LZTFL1: variants seen among roughly 807,000 people sequenced by gnomAD.
The protein encoded by LZTFL1 is leucine zipper transcription factor-like protein 1.
LZTFL1 carries 25 observed loss-of-function variants against 45.9 expected under a neutral mutation model. That is an observed-to-expected ratio of 0.54 (90% CI 0.40 to 0.76). LZTFL1 has a LOEUF of 0.76. Among genes scored for constraint, LZTFL1 ranks in the 30% least tolerant of loss-of-function variants. The pLI is 0.00. For missense variants in LZTFL1, 277 were observed against 331.1 expected (o/e 0.84, Z 1.27); for synonymous variants, 93 against 117.4 (o/e 0.79, Z 1.35).
upstream of LZTFL1, among the ~76,000 whole-genome samples, chr3:45,846,820 A>G (rs1054249249): frequency 6.6e-6 from 1 of 151,960 alleles, no homozygotes; most frequent in Non-Finnish European, 1.5e-5. Context: ...AGAGAAAGGC[A>G]CACTCGGTGT....
At chr3:45,857,509 T>A (rs572497846) in intron 3 of LZTFL1, among the ~76,000 whole-genome samples, 2 of 152,288 alleles carry the variant, frequency 1.3e-5, no homozygotes, top group South Asian at 4.1e-4. Context: ...CCCAGGACTT[T>A]GAATTAAATT....
intron 1 of LZTFL1, chr3:45,841,621 G>C (rs527467349): frequency 6.2e-4 from 205 of 328,102 alleles, no homozygotes; most frequent in African/African-American, 3.5e-3. Context: ...CGTAAACTTG[G>C]AGCTTCTTGA....
chr3:45,853,662 C>A (rs1483223270), intron 4 of LZTFL1, among the ~76,000 whole-genome samples: 1 of 152,132 alleles, frequency 6.6e-6, no homozygotes, highest in Non-Finnish European at 1.5e-5. Flanking sequence ...ATCAATTATC[C>A]CTTAAGATTT....
intron 2 of LZTFL1, among the ~76,000 whole-genome samples, chr3:45,881,362 T>C (rs1227503151): frequency 6.6e-6 from 1 of 152,180 alleles, no homozygotes; most frequent in East Asian, 1.9e-4. Flanking sequence ...GATACCCAAG[T>C]CTTCCCACAG....
intron 2 of LZTFL1, among the ~76,000 whole-genome samples, chr3:45,862,336 T>C (rs889402113): frequency 1.3e-5 from 2 of 152,190 alleles, no homozygotes; most frequent in African/African-American, 4.8e-5. Flanking sequence ...GGAACAAACC[T>C]TGGCCATGCA....
intron 2 of LZTFL1, among the ~76,000 whole-genome samples, chr3:45,894,689 A>G (rs1052013877): frequency 6.6e-6 from 1 of 152,210 alleles, no homozygotes; most frequent in Non-Finnish European, 1.5e-5. Flanking sequence ...GAGTCAAAGA[A>G]GTGAATGATA....
chr3:45,915,610 C>G (rs547554832), exon 1 of LZTFL1: 1 of 422,478 alleles, frequency 2.4e-6, no homozygotes, highest in Non-Finnish European at 4.8e-6. Flanking sequence ...GGTAAGGACA[C>G]TCATGCATCT....
intron 2 of LZTFL1, among the ~76,000 whole-genome samples, chr3:45,873,639 T>C (rs1033169003): frequency 2.0e-5 from 3 of 152,156 alleles, no homozygotes; most frequent in African/African-American, 7.2e-5. Context: ...TAATTCTGTT[T>C]CCCCTCTCCC....
chr3:45,905,482 G>C (rs1702662217), intron 2 of LZTFL1, among the ~76,000 whole-genome samples: 1 of 152,224 alleles, frequency 6.6e-6, no homozygotes, highest in Non-Finnish European at 1.5e-5. Flanking sequence ...ATATTTACTT[G>C]TATACGCTCA....
chr3:45,914,819 C>T (rs1702865485), intron 1 of LZTFL1, among the ~76,000 whole-genome samples: 2 of 152,210 alleles, frequency 1.3e-5, no homozygotes, highest in South Asian at 4.1e-4. Flanking sequence ...CCACTGGTCA[C>T]CTTCAGGGCA....
chr3:45,872,739 G>A (rs1701689411), intron 2 of LZTFL1, among the ~76,000 whole-genome samples: 1 of 152,228 alleles, frequency 6.6e-6, no homozygotes, highest in African/African-American at 2.4e-5. Flanking sequence ...GACAACAGAT[G>A]CTGTGACCTT....
chr3:45,894,608 T>C (rs549423564), intron 2 of LZTFL1, among the ~76,000 whole-genome samples: 69 of 152,158 alleles, frequency 4.5e-4, no homozygotes, highest in Non-Finnish European at 8.5e-4. Context: ...CATTCCTCAT[T>C]TGTGGATGGG....
At chr3:45,879,328 C>T (rs1420034324) in intron 2 of LZTFL1, among the ~76,000 whole-genome samples, 1 of 152,076 alleles carries the variant, frequency 6.6e-6, no homozygotes, top group Non-Finnish European at 1.5e-5. Context: ...TTATTCAACA[C>T]TAAAAAGAAA....
chr3:45,837,308 G>C (rs1052984012), intron 2 of LZTFL1, among the ~76,000 whole-genome samples: 1 of 152,146 alleles, frequency 6.6e-6, no homozygotes, highest in Non-Finnish European at 1.5e-5. Flanking sequence ...GAGTTTAATG[G>C]ACTGAATGGT....
chr3:45,827,784 T>C (rs970394479), intron 8 of LZTFL1, among the ~76,000 whole-genome samples: 1 of 152,160 alleles, frequency 6.6e-6, no homozygotes, highest in Admixed American at 6.5e-5. Flanking sequence ...CCAAGTCCCA[T>C]AGTAGTGTAT....
chr3:45,903,533 C>G (rs1227203369), intron 2 of LZTFL1, among the ~76,000 whole-genome samples: 1 of 152,244 alleles, frequency 6.6e-6, no homozygotes, highest in South Asian at 2.1e-4. Flanking sequence ...CCTTGTGGAT[C>G]GCTGTGGTTT....
chr3:45,865,989 G>A (rs72876570), intron 2 of LZTFL1, among the ~76,000 whole-genome samples: 1,683 of 152,270 alleles, frequency 0.011, 31 homozygotes, highest in African/African-American at 0.038. Context: ...ACATGACAAC[G>A]TGAATGCATC....
chr3:45,881,892 A>G (rs1701867186), intron 2 of LZTFL1, among the ~76,000 whole-genome samples: 1 of 152,254 alleles, frequency 6.6e-6, no homozygotes, highest in Non-Finnish European at 1.5e-5. Flanking sequence ...GCTGAATAGC[A>G]GGTTGGTCTG....
At chr3:45,834,633 T>C (rs1700917241) in intron 3 of LZTFL1, 1 of 176,122 alleles carries the variant, frequency 5.7e-6, no homozygotes, top group Admixed American at 5.9e-5. Context: ...TTTTATTACA[T>C]AATGTGTATT....
Sources: allele counts gnomAD v4.1 joint callset (sites outside exome capture counted in the v4.1 genomes callset), GRCh38; gene constraint gnomAD v4.1.1; transcripts MANE v1.5; gene names NCBI Gene and HGNC (gene_info 2026-07-23, HGNC 2026-07-21).